Variants in MTCL2 observed in about 807,000 individuals in gnomAD.
MTCL2 encodes microtubule crosslinking factor 2, also known as microtubule cross-linking factor 2.
the MTCL2 span, among the ~76,000 whole-genome samples, chr20:36,825,021 C>T: frequency 7.3e-5 from 11 of 151,582 alleles, no homozygotes; most frequent in Non-Finnish European, 1.5e-4. Context: ...CTCACTGCAA[C>T]CTCCAGCTCC....
the MTCL2 span, chr20:36,784,878 A>G: frequency 2.0e-6 from 2 of 985,268 alleles, no homozygotes; most frequent in Admixed American, 1.2e-4. Flanking sequence ...AGCTGCGATA[A>G]ACAACATTCT....
the MTCL2 span, among the ~76,000 whole-genome samples, chr20:36,797,751 G>A: frequency 6.6e-6 from 1 of 152,190 alleles, no homozygotes; most frequent in Non-Finnish European, 1.5e-5. Context: ...TGGTGGATTT[G>A]GAAAATGATA....
At chr20:36,853,155 C>G in the MTCL2 span, among the ~76,000 whole-genome samples, 2 of 152,120 alleles carry the variant, frequency 1.3e-5, no homozygotes, top group South Asian at 4.2e-4. Context: ...AACACAGAGG[C>G]TGCCTGGCCC....
At chr20:36,791,100 T>A in the MTCL2 span, among the ~76,000 whole-genome samples, 1 of 151,998 alleles carries the variant, frequency 6.6e-6, no homozygotes, top group South Asian at 2.1e-4. Flanking sequence ...AGTGGTACCA[T>A]CTCAGCTCAC....
chr20:36,810,757 A>G, the MTCL2 span, among the ~76,000 whole-genome samples: 56 of 48,866 alleles, frequency 1.1e-3, no homozygotes, highest in Non-Finnish European at 5.5e-4. Flanking sequence ...TCTCTCTTTC[A>G]ACGGAGTTTC....
the MTCL2 span, chr20:36,816,029 G>T: frequency 6.2e-7 from 1 of 1,613,620 alleles, no homozygotes; most frequent in Non-Finnish European, 8.5e-7. Flanking sequence ...GCAGGCCTCG[G>T]TTCTCCACCT....
At chr20:36,848,240 C>T in the MTCL2 span, among the ~76,000 whole-genome samples, 2 of 152,200 alleles carry the variant, frequency 1.3e-5, no homozygotes, top group African/African-American at 2.4e-5. Context: ...GGTCTGTCTA[C>T]GTAGGGAACC....
At chr20:36,823,558 G>C in the MTCL2 span, among the ~76,000 whole-genome samples, 1 of 152,146 alleles carries the variant, frequency 6.6e-6, no homozygotes, top group East Asian at 1.9e-4. Context: ...TGTAATCCCA[G>C]CACTTTGGGA....
At chr20:36,830,263 C>T in the MTCL2 span, among the ~76,000 whole-genome samples, 1 of 152,104 alleles carries the variant, frequency 6.6e-6, no homozygotes, top group South Asian at 2.1e-4. Flanking sequence ...TAGCTCACAC[C>T]TGTAATCCCA....
the MTCL2 span, chr20:36,804,801 T>C: frequency 6.2e-7 from 1 of 1,613,974 alleles, no homozygotes; most frequent in African/African-American, 1.3e-5. Context: ...TGGCAAACTG[T>C]TGCTGAAGCT....
the MTCL2 span, among the ~76,000 whole-genome samples, chr20:36,847,029 A>G: frequency 1.3e-5 from 2 of 152,162 alleles, no homozygotes; most frequent in Non-Finnish European, 2.9e-5. Flanking sequence ...CACGGCTACC[A>G]CCTATTAGGA....
At chr20:36,847,367 C>T in the MTCL2 span, among the ~76,000 whole-genome samples, 1 of 152,226 alleles carries the variant, frequency 6.6e-6, no homozygotes. Context: ...GATTCAAACC[C>T]CACACTCTGA....
chr20:36,808,696 C>T, the MTCL2 span: 2 of 1,607,310 alleles, frequency 1.2e-6, no homozygotes, highest in South Asian at 1.1e-5. Context: ...TCAGACTCTG[C>T]AGCTCAAACT....
the MTCL2 span, among the ~76,000 whole-genome samples, chr20:36,789,871 G>A: frequency 6.6e-6 from 1 of 152,010 alleles, no homozygotes; most frequent in East Asian, 1.9e-4. Flanking sequence ...TGCTCAGGCT[G>A]GAGTGCAGTG....
chr20:36,810,709 TCTCTCTCC>T, the MTCL2 span, among the ~76,000 whole-genome samples: 154 of 121,654 alleles, frequency 1.3e-3, 3 homozygotes, highest in African/African-American at 5.0e-3. Context: ...CCCCTCCTTC[TCTCTCTCC>T]CTCTCTCTCT....
At chr20:36,859,971 CACA>C in the MTCL2 span, 1 of 1,182,422 alleles carries the variant, frequency 8.5e-7, no homozygotes, top group Non-Finnish European at 1.1e-6. Context: ...GAATAAACAA[CACA>C]ACACCTCCAG....
At chr20:36,862,404 C>A in the MTCL2 span, among the ~76,000 whole-genome samples, 2 of 152,214 alleles carry the variant, frequency 1.3e-5, no homozygotes, top group East Asian at 1.9e-4. Flanking sequence ...AAAGCTTTCT[C>A]AAGTCCCCGC....
At chr20:36,794,113 C>A in the MTCL2 span, 2 of 1,551,328 alleles carry the variant, frequency 1.3e-6, no homozygotes, top group African/African-American at 1.4e-5. This position sits in a 1 kb window ranked among gnomAD's most constrained non-coding sequence, Gnocchi z 5.4. Flanking sequence ...CAGGCCCGGC[C>A]GCCGAGGGGC....
At chr20:36,852,622 G>A in the MTCL2 span, among the ~76,000 whole-genome samples, 1 of 152,218 alleles carries the variant, frequency 6.6e-6, no homozygotes, top group Non-Finnish European at 1.5e-5. Flanking sequence ...GAGAAGGACA[G>A]GGGACAATCC....
Sources: allele counts gnomAD v4.1 joint callset (sites outside exome capture counted in the v4.1 genomes callset), GRCh38; gene constraint gnomAD v4.1.1; non-coding constraint Gnocchi (gnomAD v3.1); transcripts MANE v1.5; gene names NCBI Gene and HGNC (gene_info 2026-07-23, HGNC 2026-07-21).